The following DNAH14 variants were observed in gnomAD, a reference collection of about 807,000 sequenced individuals.
DNAH14 encodes axonemal beta dynein heavy chain 14.
A neutral mutation model predicts 520.9 loss-of-function variants in DNAH14; 478 were observed. The observed-to-expected ratio is 0.92, with a 90% CI of 0.85 to 0.99. The LOEUF is 0.99. Among genes scored for constraint, DNAH14 ranks in the 50% least tolerant of loss-of-function variants. The pLI is 0.00. For missense variants in DNAH14, 4,831 were observed against 5,234.5 expected (o/e 0.92, Z 2.38); for synonymous variants, 1,581 against 1,757.2 (o/e 0.90, Z 2.51).
intron 66 of DNAH14, among the ~76,000 whole-genome samples, chr1:225,336,255 T>C (rs553850814): frequency 6.6e-6 from 1 of 151,698 alleles, no homozygotes; most frequent in South Asian, 2.1e-4. Context: ...ACGTTATTTC[T>C]AAAAGACACA....
At chr1:225,014,745 GC>G (rs1276434775) in intron 10 of DNAH14, among the ~76,000 whole-genome samples, 1 of 152,152 alleles carries the variant, frequency 6.6e-6, no homozygotes, top group Non-Finnish European at 1.5e-5. Flanking sequence ...TGTTCCATGT[GC>G]TGATGAAAAT....
At chr1:225,195,082 G>T (rs1490758772) in intron 38 of DNAH14, among the ~76,000 whole-genome samples, 3 of 152,168 alleles carry the variant, frequency 2.0e-5, no homozygotes, top group Middle Eastern at 3.2e-3. Context: ...TTCAGCCACT[G>T]TGGAAAGCAC....
intron 7 of DNAH14, chr1:224,969,900 A>C (rs1238963136): frequency 6.6e-6 from 1 of 152,414 alleles, no homozygotes; most frequent in African/African-American, 2.4e-5. Flanking sequence ...ATGTCACCTC[A>C]GGACCCTGTG....
At chr1:225,279,509 G>A (rs2093576674) in intron 54 of DNAH14, among the ~76,000 whole-genome samples, 1 of 151,956 alleles carries the variant, frequency 6.6e-6, no homozygotes, top group Non-Finnish European at 1.5e-5. Flanking sequence ...ATAAAATAAT[G>A]GTTATCTAGA....
At chr1:225,234,590 T>C (rs2091425609) in intron 42 of DNAH14, among the ~76,000 whole-genome samples, 2 of 152,180 alleles carry the variant, frequency 1.3e-5, no homozygotes, top group Admixed American at 6.5e-5. Flanking sequence ...AGAATGTCGA[T>C]GGTAGTTTAA....
intron 27 of DNAH14, among the ~76,000 whole-genome samples, chr1:225,131,273 C>T (rs2078390516): frequency 6.6e-6 from 1 of 152,086 alleles, no homozygotes; most frequent in Non-Finnish European, 1.5e-5. Flanking sequence ...TTTTACAATT[C>T]AGTAGGTTAG....
At chr1:225,106,460 A>G (rs1246856674) in intron 23 of DNAH14, among the ~76,000 whole-genome samples, 3 of 152,100 alleles carry the variant, frequency 2.0e-5, no homozygotes, top group Admixed American at 2.0e-4. Flanking sequence ...CTCCTGGATA[A>G]TATCCTGCAG....
intron 26 of DNAH14, among the ~76,000 whole-genome samples, chr1:225,119,602 C>T (rs190873438): frequency 1.3e-4 from 20 of 152,304 alleles, no homozygotes; most frequent in Admixed American, 9.8e-4. Flanking sequence ...AGGATCTGAA[C>T]TCTGCTCAGT....
At chr1:225,167,591 C>T (rs2082153534) in intron 35 of DNAH14, among the ~76,000 whole-genome samples, 1 of 152,114 alleles carries the variant, frequency 6.6e-6, no homozygotes, top group African/African-American at 2.4e-5. Context: ...AGGTCTACAA[C>T]CTTTTATGTT....
chr1:225,335,067 T>C (rs1283014324), intron 66 of DNAH14, among the ~76,000 whole-genome samples: 1 of 149,034 alleles, frequency 6.7e-6, no homozygotes, highest in Non-Finnish European at 1.5e-5. Context: ...CATATATGTA[T>C]ATATAACGTA....
intron 44 of DNAH14, 43 bp from the exon 45 acceptor site, chr1:225,257,917 A>C: frequency 7.1e-7 from 1 of 1,402,974 alleles, no homozygotes; most frequent in Non-Finnish European, 9.7e-7. Context: ...GGTGAATAGT[A>C]CTTTCTAGGT....
intron 56 of DNAH14, among the ~76,000 whole-genome samples, chr1:225,301,878 TTTAG>T (rs1205361644): frequency 1.3e-5 from 2 of 151,984 alleles, no homozygotes; most frequent in East Asian, 3.9e-4. Flanking sequence ...TATCCTTAGA[TTTAG>T]TTATATTTTT....
intron 43 of DNAH14, among the ~76,000 whole-genome samples, chr1:225,247,765 G>C (rs796552593): frequency 5.3e-5 from 8 of 152,236 alleles, no homozygotes; most frequent in African/African-American, 1.9e-4. Flanking sequence ...GGTGGCTCAC[G>C]CCTGTAATCC....
At chr1:225,175,369 A>G (rs1012733160) in intron 36 of DNAH14, among the ~76,000 whole-genome samples, 1 of 152,068 alleles carries the variant, frequency 6.6e-6, no homozygotes, top group African/African-American at 2.4e-5. Flanking sequence ...TTCAATCTTG[A>G]TAAGTTGTAT....
intron 36 of DNAH14, among the ~76,000 whole-genome samples, chr1:225,178,949 A>G (rs2083654603): frequency 6.6e-6 from 1 of 151,986 alleles, no homozygotes; most frequent in African/African-American, 2.4e-5. Flanking sequence ...TTCAAGGGGA[A>G]TTTTTCCTGC....
At chr1:225,102,712 C>A (rs1458220903) in intron 23 of DNAH14, among the ~76,000 whole-genome samples, 1 of 152,084 alleles carries the variant, frequency 6.6e-6, no homozygotes, top group South Asian at 2.1e-4. Flanking sequence ...CTGTTCATAT[C>A]CTTCGCCCAC....
intron 43 of DNAH14, among the ~76,000 whole-genome samples, chr1:225,242,048 C>T (rs2091996040): frequency 6.6e-6 from 1 of 152,094 alleles, no homozygotes; most frequent in Non-Finnish European, 1.5e-5. Flanking sequence ...CATAGTGAGA[C>T]CCATCCATCT....
chr1:225,020,523 A>C (rs2065602038), intron 10 of DNAH14, among the ~76,000 whole-genome samples: 1 of 129,858 alleles, frequency 7.7e-6, no homozygotes, highest in Non-Finnish European at 1.7e-5. Context: ...AAAACAACTC[A>C]AAGGCTACTA....
intron 36 of DNAH14, among the ~76,000 whole-genome samples, chr1:225,183,795 T>A (rs1393427000): frequency 2.0e-5 from 3 of 151,438 alleles, no homozygotes; most frequent in Non-Finnish European, 4.4e-5. Context: ...TACGAACACA[T>A]CTATTTACAC....
Sources: allele counts gnomAD v4.1 joint callset (sites outside exome capture counted in the v4.1 genomes callset), GRCh38; gene constraint gnomAD v4.1.1; transcripts MANE v1.5; gene names NCBI Gene and HGNC (gene_info 2026-07-23, HGNC 2026-07-21).